DCDC1: variants seen among roughly 807,000 people sequenced by gnomAD.
DCDC1 encodes the protein doublecortin domain-containing protein 1.
DCDC1 carries 200 observed loss-of-function variants against 178.3 expected under a neutral mutation model. The ratio of observed to expected loss-of-function variants is 1.12; its 90% CI spans 1.00 to 1.26. DCDC1 has a LOEUF of 1.26. Ranked by LOEUF, DCDC1 falls within the 50% of genes most tolerant of loss-of-function variation. The probability of loss-of-function intolerance (pLI) is 0.00; values close to 1 mark genes in which losing one functional copy is unlikely to be tolerated. For missense variants in DCDC1, 1,983 were observed against 1,749.2 expected (o/e 1.13, Z -2.38); for synonymous variants, 690 against 604.8 (o/e 1.14, Z -2.07).
intron 36 of DCDC1, among the ~76,000 whole-genome samples, chr11:30,891,040 C>A (rs1326050819): frequency 1.3e-5 from 2 of 152,076 alleles, no homozygotes; most frequent in African/African-American, 4.8e-5. Context: ...TATGTACAGC[C>A]AAATTGTCTT....
intron 28 of DCDC1, among the ~76,000 whole-genome samples, chr11:30,910,288 A>G: frequency 6.6e-6 from 1 of 152,298 alleles, no homozygotes; most frequent in Middle Eastern, 3.4e-3. Context: ...AATTTTATGA[A>G]TATGATTAAG....
intron 9 of DCDC1, among the ~76,000 whole-genome samples, chr11:31,158,274 AAT>A (rs948748660): frequency 6.6e-6 from 1 of 150,802 alleles, no homozygotes; most frequent in African/African-American, 2.4e-5. Flanking sequence ...ACGCCCGGCT[AAT>A]TTTTTGCATT....
intron 20 of DCDC1, among the ~76,000 whole-genome samples, chr11:30,969,611 A>G (rs1245305033): frequency 6.6e-6 from 1 of 152,248 alleles, no homozygotes; most frequent in Non-Finnish European, 1.5e-5. Context: ...AAAATAAGTT[A>G]TAAATTCCAA....
intron 20 of DCDC1, among the ~76,000 whole-genome samples, chr11:31,032,476 G>A (rs894815509): frequency 4.0e-5 from 6 of 151,598 alleles, no homozygotes; most frequent in South Asian, 2.1e-4. Flanking sequence ...CAAATAACAC[G>A]TCAGATTGAT....
Position 30,922,140 on chromosome 11 carries a change from T to C in DCDC1, c.3133+363A>G, listed in dbSNP as rs531715149. On this transcript the variant is annotated intron_variant, in intron 24 of 38. Coordinates refer to ENST00000684477, the MANE Select transcript of DCDC1 (RefSeq NM_001387274.1). ...CAACCCAAGTGCTTTTTTTCTATCT[T>C]AGAGTGGAACTTAACGTGAGATTCT... 2.6e-4 allele frequency among the ~76,000 whole-genome samples: 40 copies of C among 152,296 alleles called. No homozygotes were observed. The South Asian group carries it at 7.9e-3, about 30-fold the overall frequency.
chr11:31,133,310 G>T (rs547378440), intron 10 of DCDC1, among the ~76,000 whole-genome samples: 23 of 152,270 alleles, frequency 1.5e-4, no homozygotes, highest in African/African-American at 5.5e-4. Context: ...AACGGTGGCA[G>T]CCTCTATACT....
chr11:31,082,727 T>G (rs1957261234), intron 17 of DCDC1, among the ~76,000 whole-genome samples: 1 of 152,130 alleles, frequency 6.6e-6, no homozygotes, highest in Non-Finnish European at 1.5e-5. Context: ...TTGTATGTGT[T>G]TATACACTCA....
intron 9 of DCDC1, among the ~76,000 whole-genome samples, chr11:31,143,952 T>G (rs1964147819): frequency 6.6e-6 from 1 of 152,162 alleles, no homozygotes; most frequent in Non-Finnish European, 1.5e-5. Flanking sequence ...TGCAGCTTCT[T>G]GAGGGCAGTT....
At chr11:30,922,451 C>G in intron 24 of DCDC1, 52 bp downstream of exon 24, 4 of 1,433,176 alleles carry the variant, frequency 2.8e-6, no homozygotes, top group Non-Finnish European at 3.6e-6. Context: ...GCAATATCAT[C>G]AAGCATTTCA....
chr11:30,877,082 T>C (rs2133953002), intron 38 of DCDC1, among the ~76,000 whole-genome samples: 1 of 152,246 alleles, frequency 6.6e-6, no homozygotes, highest in Admixed American at 6.5e-5. Flanking sequence ...TGATGTAACA[T>C]GTGAAATTTC....
chr11:31,119,200 A>G (rs1052424893), intron 11 of DCDC1, among the ~76,000 whole-genome samples: 1 of 152,190 alleles, frequency 6.6e-6, no homozygotes, highest in Non-Finnish European at 1.5e-5. Flanking sequence ...TGGGCAGTCC[A>G]ATATTTTCCT....
At chr11:31,208,547 T>G (rs1043096603) in intron 9 of DCDC1, among the ~76,000 whole-genome samples, 1 of 152,212 alleles carries the variant, frequency 6.6e-6, no homozygotes, top group Non-Finnish European at 1.5e-5. Flanking sequence ...CAGCATTATC[T>G]TTCTCAAGCA....
At chr11:31,347,769 C>T (rs2133271526) in intron 1 of DCDC1, among the ~76,000 whole-genome samples, 1 of 152,212 alleles carries the variant, frequency 6.6e-6, no homozygotes, top group South Asian at 2.1e-4. Context: ...AAGGCACATA[C>T]TTGATAATGA....
At chr11:31,069,090 A>G (rs1161552442) in intron 18 of DCDC1, among the ~76,000 whole-genome samples, 1 of 152,106 alleles carries the variant, frequency 6.6e-6, no homozygotes, top group African/African-American at 2.4e-5. Context: ...TGACCTTGTG[A>G]TCTGCCCACC....
chr11:31,025,764 T>G (rs1418492047), intron 20 of DCDC1, among the ~76,000 whole-genome samples: 8 of 151,760 alleles, frequency 5.3e-5, no homozygotes, highest in Non-Finnish European at 1.0e-4. Context: ...TAGTGAGTAT[T>G]AATTCTCATC....
intron 36 of DCDC1, among the ~76,000 whole-genome samples, chr11:30,886,041 T>C (rs1943139204): frequency 6.6e-6 from 1 of 152,076 alleles, no homozygotes. Flanking sequence ...TGTTAAATTA[T>C]ATGGGGAAAA....
intron 9 of DCDC1, among the ~76,000 whole-genome samples, chr11:31,213,703 G>T (rs796626956): frequency 1.6e-4 from 24 of 150,582 alleles, no homozygotes; most frequent in African/African-American, 5.6e-4. Context: ...TTGGGTGACA[G>T]AGCATGACTC....
intron 1 of DCDC1, among the ~76,000 whole-genome samples, chr11:31,345,054 G>A (rs564504372): frequency 1.3e-5 from 2 of 152,016 alleles, no homozygotes; most frequent in South Asian, 4.2e-4. Context: ...ATATATCCAT[G>A]CTGTTTTGAA....
intron 6 of DCDC1, among the ~76,000 whole-genome samples, chr11:31,294,808 AAGAAAGAAAG>A (rs1422923091): frequency 5.9e-5 from 3 of 50,716 alleles, no homozygotes; most frequent in Non-Finnish European, 8.8e-5. Context: ...AAAAGAAAGA[AAGAAAGAAAG>A]AAAGAAAGAA....
Sources: gnomAD v4.1 joint callset for allele counts (sites outside exome capture counted in the v4.1 genomes callset) on GRCh38, gnomAD v4.1.1 for gene constraint, MANE v1.5 for transcripts, NCBI Gene and HGNC (gene_info 2026-07-23, HGNC 2026-07-21) for gene names.